PLEKHA5: variants seen among roughly 807,000 people sequenced by gnomAD.
PLEKHA5 encodes pleckstrin homology domain-containing family A member 5.
PLEKHA5 carries 55 observed loss-of-function variants against 181.9 expected under a neutral mutation model. The ratio of observed to expected loss-of-function variants is 0.30; its 90% CI spans 0.24 to 0.38. The LOEUF is 0.38. Ranked by LOEUF, PLEKHA5 falls within the 10% of genes least tolerant of loss-of-function variation. The probability of loss-of-function intolerance (pLI) is 1.00; values close to 1 mark genes in which losing one functional copy is unlikely to be tolerated. For synonymous variants in PLEKHA5, 535 were observed against 529.4 expected (o/e 1.01, Z -0.15); for missense variants, 1,432 against 1,549.5 (o/e 0.92, Z 1.27).
intron 7 of PLEKHA5, among the ~76,000 whole-genome samples, chr12:19,264,444 A>C (rs1233605206): frequency 1.3e-5 from 2 of 152,198 alleles, no homozygotes; most frequent in Non-Finnish European, 2.9e-5. Context: ...GTTTGTGACT[A>C]TACCCTTTAC....
chr12:19,254,691 A>C (rs370623291), intron 4 of PLEKHA5, among the ~76,000 whole-genome samples: 1 of 152,242 alleles, frequency 6.6e-6, no homozygotes, highest in South Asian at 2.1e-4. Flanking sequence ...GGCATGGTGG[A>C]ACGTGCTGGT....
At chr12:19,204,372 G>A (rs1039677360) in intron 3 of PLEKHA5, among the ~76,000 whole-genome samples, 1 of 152,060 alleles carries the variant, frequency 6.6e-6, no homozygotes, top group Admixed American at 6.6e-5. Flanking sequence ...AGGTGAAAGT[G>A]GAAAGTAGAT....
At chr12:19,201,632 T>C (rs2054229940) in intron 3 of PLEKHA5, 1 of 152,028 alleles carries the variant, frequency 6.6e-6, no homozygotes, top group African/African-American at 2.4e-5. Context: ...TACCCAGCAA[T>C]AAAAAGAAAT....
At chr12:19,238,498 T>C (rs980469451) in intron 3 of PLEKHA5, among the ~76,000 whole-genome samples, 6 of 152,126 alleles carry the variant, frequency 3.9e-5, no homozygotes, top group African/African-American at 1.4e-4. Flanking sequence ...TTCCTTAAGT[T>C]GCAGAATTTT....
chr12:19,206,950 C>T (rs2055684148), intron 3 of PLEKHA5, among the ~76,000 whole-genome samples: 1 of 152,112 alleles, frequency 6.6e-6, no homozygotes, highest in Non-Finnish European at 1.5e-5. Context: ...AATTATTTCA[C>T]AGACTGTGAC....
At chr12:19,306,976 A>T in intron 15 of PLEKHA5, 1 of 1,401,654 alleles carries the variant, frequency 7.1e-7, no homozygotes, top group Non-Finnish European at 1.0e-6. Context: ...ACTTACTCAG[A>T]CTGGCGCTGT....
chr12:19,298,118 G>A (rs1490740649), intron 15 of PLEKHA5, among the ~76,000 whole-genome samples: 1 of 152,062 alleles, frequency 6.6e-6, no homozygotes, highest in African/African-American at 2.4e-5. Context: ...AGAATTGCTT[G>A]AACCTGGGAG....
intron 3 of PLEKHA5, among the ~76,000 whole-genome samples, chr12:19,165,022 C>T (rs995215141): frequency 2.0e-5 from 3 of 152,122 alleles, no homozygotes; most frequent in African/African-American, 7.2e-5. Context: ...GCTCACCAAA[C>T]CAACTAACCT....
At chr12:19,323,888 G>A in intron 20 of PLEKHA5, among the ~76,000 whole-genome samples, 1 of 151,666 alleles carries the variant, frequency 6.6e-6, no homozygotes, top group Non-Finnish European at 1.5e-5. Flanking sequence ...CTATGACTGT[G>A]AGTCTCTTGG....
At chr12:19,143,926 T>C (rs1393317477) in intron 3 of PLEKHA5, among the ~76,000 whole-genome samples, 5 of 152,162 alleles carry the variant, frequency 3.3e-5, no homozygotes, top group Non-Finnish European at 7.3e-5. Flanking sequence ...TTTATATGAA[T>C]ACTCTTGTAT....
chr12:19,228,807 A>G (rs982823443), intron 3 of PLEKHA5, among the ~76,000 whole-genome samples: 8 of 152,216 alleles, frequency 5.3e-5, no homozygotes, highest in Non-Finnish European at 1.0e-4. Flanking sequence ...GGATCTAGAA[A>G]AAATGCTTAT....
At chr12:19,337,258 A>G (rs2093505847) in intron 21 of PLEKHA5, among the ~76,000 whole-genome samples, 1 of 152,116 alleles carries the variant, frequency 6.6e-6, no homozygotes. Context: ...ATAAAATAGA[A>G]ATAATAATAC....
chr12:19,216,747 G>A (rs1353260421), intron 3 of PLEKHA5, among the ~76,000 whole-genome samples: 1 of 151,982 alleles, frequency 6.6e-6, no homozygotes, highest in African/African-American at 2.4e-5. Flanking sequence ...GCTAAGAACC[G>A]TTATTAGGAC....
At chr12:19,294,370 G>A (rs947649838) in intron 15 of PLEKHA5, among the ~76,000 whole-genome samples, 3 of 152,220 alleles carry the variant, frequency 2.0e-5, no homozygotes, top group Non-Finnish European at 4.4e-5. Flanking sequence ...CGTTGCTTTT[G>A]TAGGGATTAT....
chr12:19,187,202 C>T (rs534160613), intron 3 of PLEKHA5, among the ~76,000 whole-genome samples: 36 of 152,142 alleles, frequency 2.4e-4, no homozygotes, highest in Non-Finnish European at 4.9e-4. Context: ...ACTTTTTGCA[C>T]TCCAGGTTTG....
chr12:19,343,308 C>T lies in PLEKHA5; in HGVS notation c.2551-15C>T. ...TTTTTTTTCTTATATATGGTCTATC[C>T]ATTTTTACTGATAGACGGAATCAGC... On this transcript the variant is annotated splice_polypyrimidine_tract_variant and intron_variant, in intron 21 of 31. Coordinates refer to ENST00000429027, the MANE Select transcript of PLEKHA5 (RefSeq NM_001256470.2). The T allele has an allele frequency of 1.3e-6, 2 of 1,522,700 alleles. No homozygotes were observed. Among genetic ancestry groups the T allele is most frequent in the Non-Finnish European group, 1.8e-6 (2 of 1,097,774 alleles). 94.3% of individuals were successfully genotyped at this position (1,522,700 alleles called of 1,614,324 possible).
chr12:19,225,114 C>T (rs532697613), intron 3 of PLEKHA5, among the ~76,000 whole-genome samples: 1 of 152,214 alleles, frequency 6.6e-6, no homozygotes, highest in South Asian at 2.1e-4. Flanking sequence ...TTTTTGCAAT[C>T]CCTTGATTCC....
At chr12:19,226,302 C>A (rs2059681867) in intron 3 of PLEKHA5, among the ~76,000 whole-genome samples, 2 of 152,148 alleles carry the variant, frequency 1.3e-5, no homozygotes, top group Admixed American at 1.3e-4. Context: ...AATATTCCAT[C>A]ATTTGTAAAT....
At chr12:19,343,203 TA>T (rs923781229) in intron 21 of PLEKHA5, 119 bp from the exon 22 acceptor site, 1 of 546,400 alleles carries the variant, frequency 1.8e-6, no homozygotes, top group African/African-American at 1.9e-5. Context: ...TAAATATTCG[TA>T]ACACTTAATT....
Sources: allele counts gnomAD v4.1 joint callset (sites outside exome capture counted in the v4.1 genomes callset), GRCh38; gene constraint gnomAD v4.1.1; transcripts MANE v1.5; gene names NCBI Gene and HGNC (gene_info 2026-07-23, HGNC 2026-07-21).